BMERB1: variants seen among roughly 807,000 people sequenced by gnomAD.
BMERB1 encodes bMERB domain containing 1, also known as bMERB domain-containing protein 1.
A neutral mutation model predicts 23.6 loss-of-function variants in BMERB1; 12 were observed. That is an observed-to-expected ratio of 0.51 (90% CI 0.33 to 0.82). The LOEUF is 0.82. Among genes scored for constraint, BMERB1 ranks in the 40% least tolerant of loss-of-function variants. The pLI, the probability that BMERB1 is intolerant of heterozygous loss-of-function variation, is 0.03. For missense variants in BMERB1, 247 were observed against 255.4 expected, an observed-to-expected ratio of 0.97 and a Z score of 0.22; for synonymous variants, 122 against 96.6, an observed-to-expected ratio of 1.26 and a Z score of -1.54.
At position 15,437,829 on chromosome 16, in the gene BMERB1, G is replaced by A. The variant is rs535794026; in HGVS notation, c.106+3070G>A. 2.0e-5 allele frequency among the ~76,000 whole-genome samples: 3 copies of A among 152,074 alleles called. No individual in the cohort carries two copies. The East Asian group carries it at 5.9e-4, about 30-fold the overall frequency. On this transcript the variant is annotated intron_variant, in intron 1 of 5. Coordinates refer to ENST00000300006, the MANE Select transcript of BMERB1 (RefSeq NM_033201.3). ...AAAAATTAGCTGGGTGTGGCAGTGG[G>A]CGCCTATTGTCCCAGCTGCCGGGGA...
At chr16:15,440,193 C>T (rs1380375243) in intron 1 of BMERB1, among the ~76,000 whole-genome samples, 2 of 142,426 alleles carry the variant, frequency 1.4e-5, no homozygotes, top group African/African-American at 5.2e-5. Context: ...TGCAGTGAGC[C>T]GAGATTGGAC....
At chr16:15,584,532 T>G (rs1376533856) in intron 5 of BMERB1, among the ~76,000 whole-genome samples, 1 of 142,438 alleles carries the variant, frequency 7.0e-6, no homozygotes, top group Non-Finnish European at 1.5e-5. Context: ...CACTCCAGCC[T>G]GGGTGACACA....
intron 2 of BMERB1, among the ~76,000 whole-genome samples, chr16:15,532,418 C>G (rs1353797926): frequency 1.3e-5 from 2 of 151,894 alleles, no homozygotes; most frequent in African/African-American, 2.4e-5. Flanking sequence ...TTAGTAGAGA[C>G]CGGGTTTCAC....
chr16:15,578,785 G>C (rs2030936276), intron 3 of BMERB1, among the ~76,000 whole-genome samples: 1 of 152,110 alleles, frequency 6.6e-6, no homozygotes, highest in African/African-American at 2.4e-5. Flanking sequence ...ATTCATGAGG[G>C]TTCTACCTTC....
At position 15,568,169 on chromosome 16, in the gene BMERB1, C is replaced by G. The variant is rs994187105; in HGVS notation, c.304+113C>G. On this transcript the variant is annotated intron_variant, in intron 3 of 5. Coordinates refer to ENST00000300006, the MANE Select transcript of BMERB1 (RefSeq NM_033201.3). ...AGCCTCATTCTTGCAATGCAGTGCT[C>G]CCTGACTGCATGTGTCAAACACAAC... 2.0e-5 allele frequency: 16 copies of G among 802,210 alleles called. No individual in the cohort carries two copies. In the African/African-American group the frequency reaches 2.4e-4, roughly 12 times the overall value. 49.7% of individuals were successfully genotyped at this position (802,210 alleles called of 1,614,324 possible).
In BMERB1 at chr16:15,520,268, T is replaced by G. The variant is rs550645876; in HGVS notation, c.230+4840T>G. The stretch of plus-strand genomic sequence containing the variant: ...CCTTAAGCTGTTCTGTTATCTTTAT[T>G]CTCAATGCCAGGACCCCTTTTCTCT... On this transcript the variant is annotated intron_variant, in intron 2 of 5. Coordinates refer to ENST00000300006, the MANE Select transcript of BMERB1 (RefSeq NM_033201.3). Among the ~76,000 whole-genome samples, 70 of 152,198 alleles carry G rather than the reference T, an allele frequency of 4.6e-4. 1 individual carries two copies. Among genetic ancestry groups the G allele is most frequent in the African/African-American group, 1.6e-3 (67 of 41,528 alleles).
At chr16:15,539,346 C>A (rs528043442) in intron 2 of BMERB1, among the ~76,000 whole-genome samples, 1 of 151,980 alleles carries the variant, frequency 6.6e-6, no homozygotes, top group Non-Finnish European at 1.5e-5. Flanking sequence ...GGGGAGTGGC[C>A]GTAAATGCAG....
At position 15,588,181 on chromosome 16, in the gene BMERB1, G is replaced by GT. The variant is rs1296467399; in HGVS notation, c.*1358dup. 2.0e-5 allele frequency: 3 copies of GT among 152,008 alleles called. No individual in the cohort carries two copies. Among genetic ancestry groups the GT allele is most frequent in the African/African-American group, 7.3e-5 (3 of 41,364 alleles). The allele number at this position is 152,008 out of a possible 1,614,324, so 9.4% of individuals were successfully genotyped here. On this transcript the variant is annotated 3_prime_UTR_variant, in exon 6 of 6. Coordinates refer to ENST00000300006, the MANE Select transcript of BMERB1 (RefSeq NM_033201.3). ...CATATTGTGGTATCATTTATAACCA[G>GT]TTTTTTCCTACTTATTATACCACCA...
At chr16:15,558,516 C>T (rs1163346721) in intron 2 of BMERB1, among the ~76,000 whole-genome samples, 2 of 151,986 alleles carry the variant, frequency 1.3e-5, no homozygotes, top group Non-Finnish European at 2.9e-5. Context: ...GGTCACTTCT[C>T]CGGCATTTGC....
chr16:15,533,040 C>G, intron 2 of BMERB1: 1 of 455,792 alleles, frequency 2.2e-6, no homozygotes. Flanking sequence ...GTGGCCTCAT[C>G]TGTTAAATAG....
Position 15,564,065 on chromosome 16 carries a change from A to G in BMERB1, c.231-3918A>G, listed in dbSNP as rs112705997. Among the ~76,000 whole-genome samples the G allele has an allele frequency of 6.8e-3, 1,041 of 152,284 alleles. 16 individuals are homozygous for G. Among genetic ancestry groups the G allele is most frequent in the African/African-American group, 0.023 (976 of 41,564 alleles). On this transcript the variant is annotated intron_variant, in intron 2 of 5. Transcript: ENST00000300006. ...CTCTTGCCCTGTGACTTCTGCACAC[A>G]TGAGCTCCCTTTCACCTTCTATGAA...
intron 1 of BMERB1, among the ~76,000 whole-genome samples, chr16:15,460,996 A>G (rs1241780557): frequency 5.9e-5 from 9 of 151,984 alleles, no homozygotes; most frequent in African/African-American, 1.9e-4. Flanking sequence ...GTGGTGGCAC[A>G]TGCCGGTAGT....
intron 1 of BMERB1, among the ~76,000 whole-genome samples, chr16:15,482,087 A>G (rs939185313): frequency 3.9e-5 from 6 of 152,082 alleles, no homozygotes; most frequent in Non-Finnish European, 5.9e-5. Flanking sequence ...TGTGAAAGAC[A>G]GAGATGTTTC....
chr16:15,574,665 T>A (rs2093791694), intron 3 of BMERB1, among the ~76,000 whole-genome samples: 1 of 152,048 alleles, frequency 6.6e-6, no homozygotes, highest in African/African-American at 2.4e-5. Flanking sequence ...ACATTGAGAT[T>A]ACATATCAAT....
chr16:15,496,968 A>T (rs2051479293), intron 1 of BMERB1, among the ~76,000 whole-genome samples: 1 of 152,226 alleles, frequency 6.6e-6, no homozygotes. Flanking sequence ...CTGGCTTTGA[A>T]CATGAAGCAA....
chr16:15,519,755 A>T (rs1029164028), intron 2 of BMERB1, among the ~76,000 whole-genome samples: 2 of 152,088 alleles, frequency 1.3e-5, no homozygotes, highest in African/African-American at 4.8e-5. Flanking sequence ...GCACCCTCAC[A>T]TTTAGATTAT....
rs1438966257 is a variant in BMERB1, at chr16:15,587,332, TCCACATGGCCCCCGTGTCTCTCGGGCA to T, written c.*508_*534del. ...TCCCAGCAACTGTGCCCTGGAGGGC[TCCACATGGCCCCCGTGTCTCTCGGGCA>T]CCACCCATATAGCAGTCCCAGAGGG... On this transcript the variant is annotated 3_prime_UTR_variant, in exon 6 of 6. Coordinates refer to ENST00000300006, the MANE Select transcript of BMERB1 (RefSeq NM_033201.3). 4.1e-6 allele frequency: 1 copy of T among 245,838 alleles called. No individual in the cohort carries two copies. Among genetic ancestry groups the T allele is most frequent in the Non-Finnish European group, 8.5e-6 (1 of 118,334 alleles). 15.2% of individuals were successfully genotyped at this position (245,838 alleles called of 1,614,324 possible). A position where few individuals can be genotyped will look rare whatever the true frequency, so the allele number is the denominator to read the frequency against.
intron 1 of BMERB1, among the ~76,000 whole-genome samples, chr16:15,492,320 G>C (rs990202291): frequency 6.6e-6 from 1 of 152,160 alleles, no homozygotes; most frequent in East Asian, 1.9e-4. Flanking sequence ...CAAACCACCA[G>C]TTCTAGCTGA....
At chr16:15,497,909 G>A (rs1320149136) in intron 1 of BMERB1, among the ~76,000 whole-genome samples, 3 of 152,192 alleles carry the variant, frequency 2.0e-5, no homozygotes, top group Non-Finnish European at 4.4e-5. Context: ...CTCTTCAAGA[G>A]CACTCAATGC....
Sources: gnomAD v4.1 joint callset for allele counts (sites outside exome capture counted in the v4.1 genomes callset) on GRCh38, gnomAD v4.1.1 for gene constraint, MANE v1.5 for transcripts, NCBI Gene and HGNC (gene_info 2026-07-23, HGNC 2026-07-21) for gene names.